Variants in CACNA1E observed in about 807,000 individuals in gnomAD.
CACNA1E encodes the protein voltage-dependent R-type calcium channel subunit alpha-1E.
Under a neutral mutation model 259.2 loss-of-function variants are expected in CACNA1E, and 40 were observed. The observed-to-expected ratio is 0.15, with a 90% CI of 0.12 to 0.20. The LOEUF (loss-of-function observed/expected upper bound fraction) is 0.20, where lower values mean the gene tolerates loss of function less well. CACNA1E is among the 10% of genes least tolerant of loss of function. The pLI is 1.00. For synonymous variants in CACNA1E, 1,104 were observed against 1,138.5 expected (o/e 0.97, Z 0.61); for missense variants, 1,874 against 3,040.1 (o/e 0.62, Z 9.02).
intron 6 of CACNA1E, among the ~76,000 whole-genome samples, chr1:181,591,566 T>C (rs1169530569): frequency 6.6e-6 from 1 of 151,906 alleles, no homozygotes; most frequent in Non-Finnish European, 1.5e-5. Flanking sequence ...TGAATATATT[T>C]ATATTAAATA....
In CACNA1E at chr1:181,804,001, A is replaced by C. The variant is rs947746375; in HGVS notation, c.*5167A>C. 6.6e-6 allele frequency: 1 copy of C among 152,132 alleles called. No homozygotes were observed. The highest frequency in any genetic ancestry group is 1.5e-5 in the Non-Finnish European group (1 of 68,036). The allele number at this position is 152,132 out of a possible 1,614,324, so 9.4% of individuals were successfully genotyped here. On this transcript the variant is annotated 3_prime_UTR_variant, in exon 48 of 48. Transcript: ENST00000367573. ...CTCTCCGCATGCTGTAAGTTAGGGG[A>C]GTTAGTATCTTGAACTTCTAAATGC...
chr1:181,390,209 G>A (rs1387943005), intron 1 of CACNA1E, among the ~76,000 whole-genome samples: 1 of 152,354 alleles, frequency 6.6e-6, no homozygotes, highest in East Asian at 1.9e-4. Flanking sequence ...CAGGATCAGC[G>A]ATGGCGCCAG....
chr1:181,474,964 A>T lies in CACNA1E; in HGVS notation c.435-8780A>T, dbSNP rs895192971. On this transcript the variant is annotated intron_variant, in intron 2 of 11. Coordinates refer to the CACNA1E transcript ENST00000524607. ...AAGTAAATACCCCTTTTTGATATAT[A>T]TTTATTCCTGTTTATATCATCTGGG... Among the ~76,000 whole-genome samples the T allele has an allele frequency of 2.0e-5, 3 of 152,206 alleles. No homozygotes were observed. In the East Asian group the frequency reaches 5.8e-4, roughly 29 times the overall value.
chr1:181,651,561 G>A (rs61119076), intron 7 of CACNA1E, 120 bp downstream of exon 7: 1 of 671,918 alleles, frequency 1.5e-6, no homozygotes, highest in Non-Finnish European at 2.6e-6. Flanking sequence ...TTACCTAGCA[G>A]TTCCTCTGTG....
chr1:181,392,746 C>A (rs1016883069), intron 1 of CACNA1E, among the ~76,000 whole-genome samples: 1 of 152,204 alleles, frequency 6.6e-6, no homozygotes, highest in Non-Finnish European at 1.5e-5. Context: ...TCATTGGAAC[C>A]AAATGTGAGA....
chr1:181,599,120 G>T (rs1328563555), intron 6 of CACNA1E, among the ~76,000 whole-genome samples: 14 of 149,776 alleles, frequency 9.3e-5, no homozygotes, highest in African/African-American at 3.5e-4. Flanking sequence ...CCCCACTCTT[G>T]CCCTCCGATA....
chr1:181,527,975 T>G (rs534395558), intron 3 of CACNA1E, among the ~76,000 whole-genome samples: 1 of 152,348 alleles, frequency 6.6e-6, no homozygotes, highest in Non-Finnish European at 1.5e-5. Context: ...TTTAAACCAG[T>G]TTTTTATAAT....
chr1:181,374,064 T>A (rs1248271522), intron 1 of CACNA1E, among the ~76,000 whole-genome samples: 3 of 152,208 alleles, frequency 2.0e-5, no homozygotes, highest in Non-Finnish European at 4.4e-5. Context: ...GGTTTGCTCT[T>A]GCTTTTCTAG....
At chr1:181,414,218 C>G (rs1398801304) in intron 2 of CACNA1E, among the ~76,000 whole-genome samples, 3 of 152,178 alleles carry the variant, frequency 2.0e-5, no homozygotes, top group Non-Finnish European at 1.5e-5. Context: ...GGTTTTTGCT[C>G]CATAGAAGGA....
chr1:181,622,020 G>A (rs1228981068), intron 6 of CACNA1E, among the ~76,000 whole-genome samples: 1 of 152,102 alleles, frequency 6.6e-6, no homozygotes, highest in Non-Finnish European at 1.5e-5. Flanking sequence ...TGCCAAGAAT[G>A]CCCCTGGCCA....
At chr1:181,338,503 A>ATTTTTTTTT (rs71121088) in intron 1 of CACNA1E, among the ~76,000 whole-genome samples, 14 of 141,506 alleles carry the variant, frequency 9.9e-5, no homozygotes, top group African/African-American at 3.6e-4. Flanking sequence ...TCATTTACCC[A>ATTTTTTTTT]TTTTTTTTTT....
upstream of CACNA1E, among the ~76,000 whole-genome samples, chr1:181,479,790 G>A (rs1663109860): frequency 6.6e-6 from 1 of 152,190 alleles, no homozygotes; most frequent in Non-Finnish European, 1.5e-5. Flanking sequence ...GCCGCAGATT[G>A]GAAGTCAGAT....
intron 3 of CACNA1E, among the ~76,000 whole-genome samples, chr1:181,557,544 T>A (rs1648863170): frequency 6.6e-6 from 1 of 152,208 alleles, no homozygotes; most frequent in Non-Finnish European, 1.5e-5. Flanking sequence ...AAGACAGAGA[T>A]AATGAACTTC....
In CACNA1E at chr1:181,798,927, G is replaced by A; in HGVS notation, c.*93G>A. The A allele has an allele frequency of 1.7e-6, 2 of 1,179,198 alleles. No individual in the cohort carries two copies. The highest frequency in any genetic ancestry group is 1.9e-5 in the South Asian group (1 of 52,304). 73.0% of individuals were successfully genotyped at this position (1,179,198 alleles called of 1,614,324 possible). A position where few individuals can be genotyped will look rare whatever the true frequency, so the allele number is the denominator to read the frequency against. Reference sequence around the variant, plus strand: ...CAGTGCGGCCCGGGGGGGAGGAAGAGGGAAAAGGAAGATGGAAGGACACCA... The same window carrying A: ...CAGTGCGGCCCGGGGGGGAGGAAGAAGGAAAAGGAAGATGGAAGGACACCA... On this transcript the variant is annotated 3_prime_UTR_variant, in exon 48 of 48. Transcript: ENST00000367573. This position sits in a 1 kb window ranked among gnomAD's most constrained non-coding sequence, Gnocchi z 4.2.
intron 6 of CACNA1E, among the ~76,000 whole-genome samples, chr1:181,616,795 G>A (rs1655258800): frequency 6.6e-6 from 1 of 151,964 alleles, no homozygotes; most frequent in Non-Finnish European, 1.5e-5. Flanking sequence ...ATTTAATGAG[G>A]TTCAAACTTT....
chr1:181,365,230 C>T (rs919957868), intron 1 of CACNA1E, among the ~76,000 whole-genome samples: 8 of 152,194 alleles, frequency 5.3e-5, no homozygotes, highest in South Asian at 2.1e-4. Flanking sequence ...TGCAGTGACG[C>T]GATCATGGCT....
At chr1:181,334,104 G>C (rs1651498236) in intron 1 of CACNA1E, among the ~76,000 whole-genome samples, 2 of 152,088 alleles carry the variant, frequency 1.3e-5, no homozygotes, top group South Asian at 4.2e-4. Context: ...GATCATAAAT[G>C]GCCTTCCCAT....
At chr1:181,669,287 G>A (rs1558246598) in intron 7 of CACNA1E, among the ~76,000 whole-genome samples, 1 of 152,146 alleles carries the variant, frequency 6.6e-6, no homozygotes, top group African/African-American at 2.4e-5. Context: ...TGTTTTGCAA[G>A]ACCTCTCAAA....
chr1:181,746,972 G>C (rs975886150), intron 25 of CACNA1E, among the ~76,000 whole-genome samples: 11 of 152,166 alleles, frequency 7.2e-5, no homozygotes, highest in Non-Finnish European at 1.2e-4. Context: ...CATTAAATAA[G>C]GTAAAATGTA....
Sources: allele counts gnomAD v4.1 joint callset (sites outside exome capture counted in the v4.1 genomes callset), GRCh38; gene constraint gnomAD v4.1.1; non-coding constraint Gnocchi (gnomAD v3.1); transcripts MANE v1.5; gene names NCBI Gene and HGNC (gene_info 2026-07-23, HGNC 2026-07-21).